The following DAB1 variants were observed in gnomAD, a reference collection of about 807,000 sequenced individuals.
DAB1 encodes the protein DAB adaptor protein 1, also known as disabled homolog 1.
Under a neutral mutation model 64.6 loss-of-function variants are expected in DAB1, and 15 were observed. That is an observed-to-expected ratio of 0.23 (90% CI 0.16 to 0.36). The LOEUF is 0.36. Ranked by LOEUF, DAB1 falls within the 10% of genes least tolerant of loss-of-function variation. DAB1 has a pLI of 1.00. For missense variants in DAB1, 596 were observed against 706.7 expected, an observed-to-expected ratio of 0.84 and a Z score of 1.78; for synonymous variants, 235 against 251.9, an observed-to-expected ratio of 0.93 and a Z score of 0.64.
In DAB1 at chr1:57,121,157, G is replaced by A. The variant is rs61765322; in HGVS notation, c.306+15386C>T. 9.2e-4 allele frequency among the ~76,000 whole-genome samples: 130 copies of A among 140,882 alleles called. No individual in the cohort carries two copies. The East Asian group carries it at 0.018, about 20-fold the overall frequency. The allele number at this position is 140,882 out of a possible 152,430, so 92.4% of individuals were successfully genotyped here. A position where few individuals can be genotyped will look rare whatever the true frequency, so the allele number is the denominator to read the frequency against. ...GAAGAAGAAGGAGGAGGAGGAGGAG[G>A]AGGAGGAGAAGGAGGAGAAGGAGAA... is the stretch of plus-strand genomic sequence containing the variant. On this transcript the variant is annotated intron_variant, in intron 4 of 14. Coordinates refer to ENST00000371236, the MANE Select transcript of DAB1 (RefSeq NM_001365792.1).
At chr1:57,780,945 C>T (rs1358708038) in intron 6 of DAB1, among the ~76,000 whole-genome samples, 1 of 151,498 alleles carries the variant, frequency 6.6e-6, no homozygotes, top group Non-Finnish European at 1.5e-5. Flanking sequence ...CCAGGCTAGT[C>T]TTGAACTCCT....
At chr1:57,834,226 T>A (rs1652710092) in intron 1 of DAB1, among the ~76,000 whole-genome samples, 1 of 151,952 alleles carries the variant, frequency 6.6e-6, no homozygotes, top group Non-Finnish European at 1.5e-5. Context: ...AAGAAATGGC[T>A]GGTGTGAAGT....
At chr1:58,080,293 GT>G (rs999813565) in intron 5 of DAB1, 2 of 152,122 alleles carry the variant, frequency 1.3e-5, no homozygotes, top group Non-Finnish European at 2.9e-5. Context: ...CTGAGAGTTT[GT>G]TTTTTAATAC....
chr1:58,252,886 A>G (rs1660836730), intron 4 of DAB1, among the ~76,000 whole-genome samples: 1 of 152,102 alleles, frequency 6.6e-6, no homozygotes, highest in Non-Finnish European at 1.5e-5. Flanking sequence ...AAGACAGTCA[A>G]CTCATTCCCT....
chr1:57,367,725 G>A (rs1473303559), intron 1 of DAB1, among the ~76,000 whole-genome samples: 1 of 152,126 alleles, frequency 6.6e-6, no homozygotes, highest in Non-Finnish European at 1.5e-5. Context: ...ACAAGTGGGA[G>A]CACTGTCCCT....
intron 5 of DAB1, among the ~76,000 whole-genome samples, chr1:58,045,511 G>A (rs1042589772): frequency 2.0e-5 from 3 of 152,188 alleles, no homozygotes; most frequent in African/African-American, 7.2e-5. Context: ...GCGATAATGA[G>A]GTGGCAAGAG....
chr1:56,998,425 A>C (rs933100956), intron 14 of DAB1, among the ~76,000 whole-genome samples: 5 of 152,186 alleles, frequency 3.3e-5, no homozygotes, highest in African/African-American at 1.2e-4. Context: ...TGTGGACAAG[A>C]TACTTATCCT....
intron 5 of DAB1, among the ~76,000 whole-genome samples, chr1:58,018,051 A>G (rs1646765896): frequency 6.6e-6 from 1 of 151,880 alleles, no homozygotes; most frequent in South Asian, 2.1e-4. Flanking sequence ...AGAATTCAAA[A>G]GTAAGACTTT....
intron 5 of DAB1, among the ~76,000 whole-genome samples, chr1:58,086,215 G>A (rs7542328): frequency 0.031 from 4,724 of 151,638 alleles, 224 homozygotes; most frequent in African/African-American, 0.11. Flanking sequence ...CGCCCGCCTC[G>A]GCCTCCCAAA....
intron 4 of DAB1, among the ~76,000 whole-genome samples, chr1:58,306,330 G>C (rs1662306547): frequency 6.6e-6 from 1 of 152,158 alleles, no homozygotes; most frequent in Non-Finnish European, 1.5e-5. Flanking sequence ...GGAGGATATT[G>C]AAATGTAAGG....
At chr1:57,491,680 A>T (rs1040065266) in intron 7 of DAB1, among the ~76,000 whole-genome samples, 2 of 152,210 alleles carry the variant, frequency 1.3e-5, no homozygotes, top group Non-Finnish European at 2.9e-5. Flanking sequence ...ATGAGGAATG[A>T]GGTCTACATG....
At chr1:58,474,636 G>C (rs560615207) in intron 3 of DAB1, among the ~76,000 whole-genome samples, 1 of 152,326 alleles carries the variant, frequency 6.6e-6, no homozygotes, top group East Asian at 1.9e-4. Context: ...TGCAAAGGGA[G>C]CTGGTGTTGA....
In DAB1 at chr1:57,027,522, C is replaced by T. The variant is rs183561149; in HGVS notation, c.724-1479G>A. On this transcript the variant is annotated intron_variant, in intron 9 of 14. Transcript: ENST00000371236. ...AATGTCTTCATAAATTCCTTTACTGCCTGGACCGCTGGGCCCAGATAGTAG... is the reference window on the plus strand; with the variant it reads ...AATGTCTTCATAAATTCCTTTACTGTCTGGACCGCTGGGCCCAGATAGTAG... Among the ~76,000 whole-genome samples, 3 of 152,288 alleles carry T rather than the reference C, an allele frequency of 2.0e-5. No homozygotes were observed. The East Asian group carries it at 5.8e-4, about 29-fold the overall frequency.
intron 1 of DAB1, among the ~76,000 whole-genome samples, chr1:57,858,734 CA>C (rs1653870872): frequency 6.6e-6 from 1 of 150,720 alleles, no homozygotes; most frequent in African/African-American, 2.4e-5. Context: ...GCAACTCCTT[CA>C]AATTGGGCTC....
chr1:57,974,876 G>C (rs1034173187), intron 5 of DAB1, among the ~76,000 whole-genome samples: 3 of 151,848 alleles, frequency 2.0e-5, no homozygotes, highest in South Asian at 4.2e-4. Context: ...TCCTATTATA[G>C]CAAAACTGCC....
At chr1:58,223,746 C>T (rs181810832) in intron 4 of DAB1, among the ~76,000 whole-genome samples, 281 of 152,258 alleles carry the variant, frequency 1.8e-3, no homozygotes, top group Non-Finnish European at 3.2e-3. Context: ...GAACAGACCC[C>T]ATGGGAATCC....
In DAB1 at chr1:58,313,856, T is replaced by TGAGAGA. The variant is rs3055509; in HGVS notation, n.309+29490_309+29495dup. Among the ~76,000 whole-genome samples the TGAGAGA allele has an allele frequency of 1.0e-3, 113 of 112,162 alleles. No homozygotes were observed. In the East Asian group the frequency reaches 0.013, roughly 13 times the overall value. The allele number at this position is 112,162 out of a possible 152,430, so 73.6% of individuals were successfully genotyped here. A position where few individuals can be genotyped will look rare whatever the true frequency, so the allele number is the denominator to read the frequency against. ...GTGTGTGTGTGTGTGTGTGTGTGTG[T>TGAGAGA]GAGAGAGAGAGAGAGAGAGAGAGAT... On this transcript the variant is annotated intron_variant and non_coding_transcript_variant, in intron 4 of 20. Coordinates refer to the DAB1 transcript ENST00000485760.
At chr1:58,176,211 G>A (rs1656466157) in intron 4 of DAB1, among the ~76,000 whole-genome samples, 1 of 152,182 alleles carries the variant, frequency 6.6e-6, no homozygotes, top group African/African-American at 2.4e-5. Context: ...TCTTTACATA[G>A]GTGAAGAAAA....
intron 1 of DAB1, among the ~76,000 whole-genome samples, chr1:57,300,218 C>T (rs1673527643): frequency 6.6e-6 from 1 of 152,202 alleles, no homozygotes; most frequent in Non-Finnish European, 1.5e-5. Context: ...TGATAGACCA[C>T]TGTTCTAGAT....
Sources: allele counts gnomAD v4.1 joint callset (sites outside exome capture counted in the v4.1 genomes callset), GRCh38; gene constraint gnomAD v4.1.1; transcripts MANE v1.5; gene names NCBI Gene and HGNC (gene_info 2026-07-23, HGNC 2026-07-21).